Variants in VAV3 observed in about 807,000 individuals in gnomAD.
VAV3 encodes the protein guanine nucleotide exchange factor VAV3.
In VAV3, 94 loss-of-function variants were observed where a neutral mutation model predicts 131.2. The ratio of observed to expected loss-of-function variants is 0.72; its 90% CI spans 0.61 to 0.85. The LOEUF is 0.85. Ranked by LOEUF, VAV3 falls within the 40% of genes least tolerant of loss-of-function variation. The pLI is 0.00. For synonymous variants in VAV3, 349 were observed against 342.0 expected (o/e 1.02, Z -0.22); for missense variants, 939 against 1,002.7 (o/e 0.94, Z 0.86).
chr1:107,847,052 T>G (rs939637696), intron 2 of VAV3, among the ~76,000 whole-genome samples: 10 of 151,896 alleles, frequency 6.6e-5, no homozygotes, highest in Non-Finnish European at 1.0e-4. Context: ...TGTAAAATAA[T>G]GGAAATCATA....
At chr1:107,815,296 G>A (rs1667518215) in intron 2 of VAV3, among the ~76,000 whole-genome samples, 1 of 152,174 alleles carries the variant, frequency 6.6e-6, no homozygotes, top group Non-Finnish European at 1.5e-5. Flanking sequence ...AGGCATACCA[G>A]CCCCAGACTA....
At chr1:107,589,610 A>G (rs1368659298) in intron 25 of VAV3, among the ~76,000 whole-genome samples, 1 of 152,268 alleles carries the variant, frequency 6.6e-6, no homozygotes, top group Non-Finnish European at 1.5e-5. Flanking sequence ...TTATAGCAGT[A>G]CTAGGAAACC....
In VAV3 at chr1:107,688,336, T is replaced by C. The variant is rs1265080695; in HGVS notation, c.1731+45A>G. ...AAGCCTGGTTAAGTTAGCAAACAAC[T>C]TGAAATGCAAAGGTTATAAAAAATA... On this transcript the variant is annotated intron_variant, in intron 18 of 26. Coordinates refer to ENST00000370056, the MANE Select transcript of VAV3 (RefSeq NM_006113.5). 6 of 1,599,522 alleles carry C rather than the reference T, an allele frequency of 3.8e-6. No individual in the cohort carries two copies. In the Admixed American group the frequency reaches 8.5e-5, roughly 23 times the overall value.
intron 2 of VAV3, among the ~76,000 whole-genome samples, chr1:107,815,710 C>T (rs973058291): frequency 1.3e-5 from 2 of 152,154 alleles, no homozygotes; most frequent in Admixed American, 6.6e-5. Flanking sequence ...TCAATAATTA[C>T]GGCACTATTT....
intron 2 of VAV3, 40 bp from the exon 3 acceptor site, chr1:107,779,532 G>A (rs772574519): frequency 6.7e-7 from 1 of 1,490,008 alleles, no homozygotes; most frequent in Non-Finnish European, 9.0e-7. Flanking sequence ...ATGTAGTTCA[G>A]AAAATATAAG....
Position 107,633,829 on chromosome 1 carries a change from A to C in VAV3, c.1914+8790T>G, listed in dbSNP as rs115927022. Among the ~76,000 whole-genome samples the C allele has an allele frequency of 5.8e-3, 879 of 152,256 alleles. 9 individuals are homozygous for C. Among genetic ancestry groups the C allele is most frequent in the African/African-American group, 0.02 (845 of 41,554 alleles). On this transcript the variant is annotated intron_variant, in intron 20 of 26. Coordinates refer to ENST00000370056, the MANE Select transcript of VAV3 (RefSeq NM_006113.5). ...AACCACTGAAGAGGTCAACGTGCAG[A>C]AAGCCTCTGCTGAGTTCCTAGACAG...
intron 17 of VAV3, 136 bp from the exon 18 acceptor site, chr1:107,688,542 C>A (rs1018180375): frequency 2.0e-6 from 3 of 1,531,668 alleles, no homozygotes; most frequent in Non-Finnish European, 2.6e-6. Context: ...TTTCCACGGT[C>A]CCTCAGGCTG....
intron 1 of VAV3, among the ~76,000 whole-genome samples, chr1:107,925,710 A>G (rs1673116931): frequency 6.6e-6 from 1 of 152,188 alleles, no homozygotes; most frequent in Non-Finnish European, 1.5e-5. Context: ...TTAATGTTAC[A>G]GAATCACAGT....
rs1447543280 is a variant in VAV3 at position 107,933,315 on chromosome 1, T to C, written c.204+31351A>G. Among the ~76,000 whole-genome samples the C allele has an allele frequency of 3.9e-5, 6 of 151,904 alleles. No homozygotes were observed. In the East Asian group the frequency reaches 9.7e-4, roughly 24 times the overall value. On this transcript the variant is annotated intron_variant, in intron 1 of 26. Coordinates refer to ENST00000370056, the MANE Select transcript of VAV3 (RefSeq NM_006113.5). ...TTTTTTCCAGTACAAAAGATAACCT[T>C]TCTCCAGAAACTATTTGGTCCTCCT...
intron 19 of VAV3, among the ~76,000 whole-genome samples, chr1:107,656,795 C>T (rs1008585692): frequency 6.6e-6 from 1 of 151,990 alleles, no homozygotes; most frequent in Admixed American, 6.6e-5. Context: ...CCTGCAATGT[C>T]CTTTCCTCTC....
intron 23 of VAV3, 115 bp downstream of exon 23, chr1:107,602,932 T>A (rs1376407624): frequency 2.7e-6 from 2 of 749,356 alleles, no homozygotes; most frequent in Admixed American, 4.7e-5. Context: ...ATAGATGCAT[T>A]ATTTCTCCTT....
intron 2 of VAV3, among the ~76,000 whole-genome samples, chr1:107,865,619 G>A (rs1669948438): frequency 6.6e-6 from 1 of 152,298 alleles, no homozygotes; most frequent in South Asian, 2.1e-4. Context: ...TGATCATGAA[G>A]AATCTTGTGC....
intron 5 of VAV3, 29 bp downstream of exon 5, chr1:107,772,706 G>T (rs1256840998): frequency 6.4e-7 from 1 of 1,555,016 alleles, no homozygotes; most frequent in Non-Finnish European, 8.8e-7. Context: ...AATATTCAGA[G>T]TAACTTTAAA....
At chr1:107,638,225 A>G (rs905603164) in intron 20 of VAV3, among the ~76,000 whole-genome samples, 1 of 152,184 alleles carries the variant, frequency 6.6e-6, no homozygotes, top group African/African-American at 2.4e-5. Context: ...AAGTCAAGAA[A>G]AAGAAATAAA....
intron 2 of VAV3, among the ~76,000 whole-genome samples, chr1:107,780,424 C>T (rs1228540581): frequency 1.3e-5 from 2 of 152,170 alleles, no homozygotes; most frequent in East Asian, 3.9e-4. Flanking sequence ...CAACTTTACC[C>T]TTCCTTCAAT....
intron 2 of VAV3, among the ~76,000 whole-genome samples, chr1:107,867,268 T>C (rs1670032256): frequency 6.6e-6 from 1 of 152,190 alleles, no homozygotes; most frequent in Admixed American, 6.5e-5. Flanking sequence ...GTAAAGAGTT[T>C]ATTGAACTGA....
rs775966074 is a variant in VAV3, at chr1:107,749,637, A to T, written c.1260-43T>A. 1.9e-6 allele frequency: 3 copies of T among 1,585,684 alleles called. No individual in the cohort carries two copies. The African/African-American group carries it at 4.1e-5, about 22-fold the overall frequency. On this transcript the variant is annotated intron_variant, in intron 13 of 26. Transcript: ENST00000370056. ...ATTGATTGATTTTAAATGGTTTAGAAACATGGGTTATTAATTTTTTTGGGT... is the reference window on the plus strand; with the variant it reads ...ATTGATTGATTTTAAATGGTTTAGATACATGGGTTATTAATTTTTTTGGGT...
intron 17 of VAV3, among the ~76,000 whole-genome samples, chr1:107,693,148 C>A (rs1027109841): frequency 6.6e-6 from 1 of 152,106 alleles, no homozygotes; most frequent in Admixed American, 6.6e-5. Context: ...TCATTATTAA[C>A]GTTGGAAAGT....
intron 1 of VAV3, among the ~76,000 whole-genome samples, chr1:107,963,182 T>C (rs1675218517): frequency 6.6e-6 from 1 of 152,040 alleles, no homozygotes; most frequent in Non-Finnish European, 1.5e-5. Context: ...TTCCAGGAAA[T>C]GTGCACAGTA....
Sources: gnomAD v4.1 joint callset for allele counts (sites outside exome capture counted in the v4.1 genomes callset) on GRCh38, gnomAD v4.1.1 for gene constraint, MANE v1.5 for transcripts, NCBI Gene and HGNC (gene_info 2026-07-23, HGNC 2026-07-21) for gene names.